LINGO2: variants seen among roughly 807,000 people sequenced by gnomAD.
LINGO2 encodes the protein leucine-rich repeat and immunoglobulin-like domain-containing nogo receptor-interacting protein 2.
Under a neutral mutation model 30.6 loss-of-function variants are expected in LINGO2, and 14 were observed. The ratio of observed to expected loss-of-function variants is 0.46; its 90% confidence interval spans 0.30 to 0.72. LINGO2 has a LOEUF of 0.72. Among genes scored for constraint, LINGO2 ranks in the 30% least tolerant of loss-of-function variants. LINGO2 has a pLI of 0.07. For missense variants in LINGO2, 729 were observed against 751.7 expected, an observed-to-expected ratio of 0.97 and a Z score of 0.35; for synonymous variants, 317 against 288.5, an observed-to-expected ratio of 1.10 and a Z score of -1.00.
chr9:28,880,779 A>G, the LINGO2 span, among the ~76,000 whole-genome samples: 31 of 152,292 alleles, frequency 2.0e-4, no homozygotes, highest in Non-Finnish European at 3.8e-4. Flanking sequence ...TTCAATTCTA[A>G]GATAGGAGAA....
chr9:28,873,391 G>GA, the LINGO2 span, among the ~76,000 whole-genome samples: 5,851 of 122,982 alleles, frequency 0.048, 366 homozygotes, highest in African/African-American at 0.15. Context: ...AAAAAAAAAA[G>GA]AAAAAAAAAA....
chr9:28,782,427 G>T, the LINGO2 span, among the ~76,000 whole-genome samples: 1 of 152,152 alleles, frequency 6.6e-6, no homozygotes, highest in Non-Finnish European at 1.5e-5. Context: ...GATGCAAGGG[G>T]TGATGGCAGT....
chr9:28,067,267 G>A (rs1195425017), intron 4 of LINGO2, among the ~76,000 whole-genome samples: 1 of 151,874 alleles, frequency 6.6e-6, no homozygotes, highest in Admixed American at 6.6e-5. Context: ...ATTACCAAGA[G>A]GTAATAGTTA....
At chr9:28,236,481 G>T (rs534888755) in intron 4 of LINGO2, among the ~76,000 whole-genome samples, 2 of 152,226 alleles carry the variant, frequency 1.3e-5, no homozygotes, top group Non-Finnish European at 2.9e-5. Flanking sequence ...TAAGTAGAAA[G>T]ACTAAATGAT....
At chr9:28,257,523 C>G (rs1822422700) in intron 4 of LINGO2, among the ~76,000 whole-genome samples, 1 of 151,824 alleles carries the variant, frequency 6.6e-6, no homozygotes, top group South Asian at 2.1e-4. Context: ...TCAGAGAAAA[C>G]AAACAAACCT....
At chr9:29,024,460 T>G in the LINGO2 span, among the ~76,000 whole-genome samples, 1 of 152,098 alleles carries the variant, frequency 6.6e-6, no homozygotes. Flanking sequence ...TGGCTAAATT[T>G]AGACTTAATG....
chr9:28,892,040 T>C, the LINGO2 span, among the ~76,000 whole-genome samples: 3 of 151,946 alleles, frequency 2.0e-5, no homozygotes, highest in Non-Finnish European at 4.4e-5. Flanking sequence ...CTGTTGGAAA[T>C]AACAAACTGG....
intron 3 of LINGO2, among the ~76,000 whole-genome samples, chr9:28,321,539 T>C (rs1327467046): frequency 6.6e-6 from 1 of 152,164 alleles, no homozygotes; most frequent in Non-Finnish European, 1.5e-5. Flanking sequence ...TTGCAAGCAA[T>C]TGAAACTGTT....
At chr9:28,122,278 T>G (rs1279208523) in intron 4 of LINGO2, among the ~76,000 whole-genome samples, 1 of 152,188 alleles carries the variant, frequency 6.6e-6, no homozygotes, top group East Asian at 1.9e-4. Context: ...ATGATGTTAT[T>G]ATCAGCAGCA....
At chr9:28,568,706 G>GA (rs60311442) in intron 1 of LINGO2, among the ~76,000 whole-genome samples, 86,523 of 151,484 alleles carry the variant, frequency 0.57, 25,269 homozygotes, top group East Asian at 0.7. Flanking sequence ...AATGCTGAAA[G>GA]AAAAAATAAA....
At chr9:28,096,566 T>A (rs1438386472) in intron 4 of LINGO2, among the ~76,000 whole-genome samples, 1 of 152,084 alleles carries the variant, frequency 6.6e-6, no homozygotes. Context: ...GGCTTTGTAG[T>A]GCCTAGACAG....
At chr9:28,404,020 C>T (rs747739808) in intron 2 of LINGO2, among the ~76,000 whole-genome samples, 52 of 151,884 alleles carry the variant, frequency 3.4e-4, no homozygotes, top group African/African-American at 9.4e-4. Context: ...TACCAAAGGA[C>T]GCCCACAACC....
chr9:27,973,052 T>C (rs1036930688), intron 5 of LINGO2, among the ~76,000 whole-genome samples: 18 of 152,178 alleles, frequency 1.2e-4, no homozygotes, highest in African/African-American at 4.3e-4. Flanking sequence ...CTCAGGCCTT[T>C]GGGCTCAGTC....
intron 4 of LINGO2, among the ~76,000 whole-genome samples, chr9:28,132,797 G>C (rs1827413735): frequency 6.6e-6 from 1 of 152,152 alleles, no homozygotes; most frequent in Admixed American, 6.6e-5. Context: ...TCTTTCTTTA[G>C]ATGCTACACT....
intron 4 of LINGO2, among the ~76,000 whole-genome samples, chr9:28,236,965 G>A (rs953412588): frequency 6.6e-6 from 1 of 152,024 alleles, no homozygotes; most frequent in Non-Finnish European, 1.5e-5. Flanking sequence ...TGATTATTAT[G>A]CATTGCATGT....
intron 1 of LINGO2, among the ~76,000 whole-genome samples, chr9:28,565,810 T>C (rs553512032): frequency 6.6e-6 from 1 of 152,070 alleles, no homozygotes; most frequent in East Asian, 1.9e-4. Context: ...CGCCTCGGCC[T>C]CCCAAAGTGC....
At chr9:29,160,617 C>A in the LINGO2 span, among the ~76,000 whole-genome samples, 1 of 151,986 alleles carries the variant, frequency 6.6e-6, no homozygotes, top group Non-Finnish European at 1.5e-5. Flanking sequence ...GAGAATGTTA[C>A]GATTGCAGAA....
chr9:28,382,265 C>T (rs1189513452), intron 2 of LINGO2, among the ~76,000 whole-genome samples: 2 of 152,114 alleles, frequency 1.3e-5, no homozygotes, highest in Admixed American at 6.6e-5. Context: ...ATATTTATGA[C>T]ATTCAAAATA....
At chr9:28,444,223 A>G (rs7038161) in intron 2 of LINGO2, among the ~76,000 whole-genome samples, 46,388 of 152,168 alleles carry the variant, frequency 0.3, 8,130 homozygotes, top group Middle Eastern at 0.4. Flanking sequence ...GTTCCTGGCC[A>G]GCTCGCTGAG....
Sources: allele counts gnomAD v4.1 joint callset (sites outside exome capture counted in the v4.1 genomes callset), GRCh38; gene constraint gnomAD v4.1.1; transcripts MANE v1.5; gene names NCBI Gene and HGNC (gene_info 2026-07-23, HGNC 2026-07-21).